The following ETAA1 variants were observed in gnomAD, a reference collection of about 807,000 sequenced individuals.
The protein encoded by ETAA1 is ewing's tumor-associated antigen 1.
Under a neutral mutation model 76.8 loss-of-function variants are expected in ETAA1, and 49 were observed. That is an observed-to-expected ratio of 0.64 (90% confidence interval 0.51 to 0.81). The LOEUF is 0.81. Among genes scored for constraint, ETAA1 ranks in the 30% least tolerant of loss-of-function variants. The pLI, the probability that ETAA1 is intolerant of heterozygous loss-of-function variation, is 0.00. For missense variants in ETAA1, 1,099 were observed against 1,074.0 expected (o/e 1.02, Z -0.32); for synonymous variants, 373 against 372.2 (o/e 1.00, Z -0.03).
intron 1 of ETAA1, among the ~76,000 whole-genome samples, 175 bp from the exon 2 acceptor site, chr2:67,398,991 TGCC>T (rs1051209213): frequency 3.9e-5 from 6 of 152,226 alleles, no homozygotes; most frequent in African/African-American, 1.4e-4. Context: ...GTTTGCGAAG[TGCC>T]GCGTGGATTT....
chr2:67,397,567 C>T lies in ETAA1; in HGVS notation c.119C>T (p.Ala40Val), dbSNP rs376765349. Residue 40 changes from alanine to valine, a missense_variant, in exon 1 of 6, where the codon GCC becomes GTC. Coordinates refer to ENST00000272342, the MANE Select transcript of ETAA1 (RefSeq NM_019002.4). ...VEPGRRRLRS[A>V]RGSWPCGARE... ...CCAGGGAGGAGGCGGCTGAGATCGG[C>T]CCGCGGTTCGTGGCCCTGCGGGGCT... 1.3e-4 allele frequency: 205 copies of T among 1,566,628 alleles called. No individual in the cohort carries two copies. Among genetic ancestry groups the T allele is most frequent in the Non-Finnish European group, 1.8e-4 (203 of 1,156,174 alleles).
chr2:67,403,809 C>T lies in ETAA1; in HGVS notation c.1127C>T (p.Thr376Ile). The T allele has an allele frequency of 6.2e-7, 1 of 1,613,254 alleles. No homozygotes were observed. Among genetic ancestry groups the T allele is most frequent in the South Asian group, 1.1e-5 (1 of 91,064 alleles). The change falls in exon 5 of 6, where the codon ACA becomes ATA. Residue 376 changes from threonine to isoleucine, a missense_variant. Coordinates refer to ENST00000272342, the MANE Select transcript of ETAA1 (RefSeq NM_019002.4). ...AATAAGTACATTGATGCATTTACTACAAGTGATTTTGAGGATGATTGGGAA... is the reference window on the plus strand; with the variant it reads ...AATAAGTACATTGATGCATTTACTATAAGTGATTTTGAGGATGATTGGGAA... ...TSNKYIDAFT[T>I]SDFEDDWENL... is the part of the protein sequence containing the mutation.
Position 67,404,179 on chromosome 2 carries a change from T to G in ETAA1, c.1497T>G (p.Val499=). ...AAGACGAAATTCAAAATTGTATAGTTACATCTAATCTGACAAAAATAAAGG... is the reference window on the plus strand; with the variant it reads ...AAGACGAAATTCAAAATTGTATAGTGACATCTAATCTGACAAAAATAAAGG... ...VIQDEIQNCI[V]TSNLTKIKED... Residue 499 remains valine, a synonymous_variant, in exon 5 of 6, where the codon GTT becomes GTG. Transcript: ENST00000272342. 5.0e-6 allele frequency: 8 copies of G among 1,605,308 alleles called. No individual in the cohort carries two copies. The highest frequency in any genetic ancestry group is 6.8e-6 in the Non-Finnish European group (8 of 1,176,888).
rs933119054 is a variant in ETAA1 at position 67,397,336 on chromosome 2, G to A, written c.-113G>A. The A allele has an allele frequency of 4.6e-5, 55 of 1,186,050 alleles. No individual in the cohort carries two copies. The highest frequency in any genetic ancestry group is 1.5e-5 in the African/African-American group (1 of 66,046). 73.5% of individuals were successfully genotyped at this position (1,186,050 alleles called of 1,614,324 possible). ...GGCCGCCTCTTGCGCGCGCCCCACC[G>A]ACCAAAATGGCGGCTGCCGTTGGTG... On this transcript the variant is annotated 5_prime_UTR_variant, in exon 1 of 6. Transcript: ENST00000272342.
At chr2:67,406,480 C>A (rs747722452) in intron 5 of ETAA1, among the ~76,000 whole-genome samples, 28 of 152,166 alleles carry the variant, frequency 1.8e-4, no homozygotes, top group Middle Eastern at 3.4e-3. Context: ...TTTAGTGACT[C>A]TTCTCTGTCT....
intron 5 of ETAA1, among the ~76,000 whole-genome samples, chr2:67,406,800 G>A (rs927551027): frequency 1.3e-5 from 2 of 151,772 alleles, no homozygotes; most frequent in South Asian, 4.2e-4. Context: ...CCACTATTTG[G>A]CAACTTGCTT....
Position 67,404,106 on chromosome 2 carries a change from C to T in ETAA1, c.1424C>T (p.Thr475Ile), listed in dbSNP as rs1676135245. Residue 475 changes from threonine (T) to isoleucine (I), a missense_variant, in exon 5 of 6, where the codon ACT becomes ATT. Physicochemically the swap from Thr to Ile is moderately conservative, Grantham distance 89. This residue lies in a region of ETAA1 where 761 missense variants were observed against 731.9 expected (regional missense o/e 1.04). Transcript: ENST00000272342. ...TCAAATAAATCAAACAAATTATCCA[C>T]TGGAAATAAAATGAAATTTGAGAAC... ...PNSNKSNKLSTGNKMKFENSS... is the reference protein window; with the variant it reads ...PNSNKSNKLSIGNKMKFENSS... 2 of 1,590,670 alleles carry T rather than the reference C, an allele frequency of 1.3e-6. No homozygotes were observed. The highest frequency in any genetic ancestry group is 2.7e-5 in the African/African-American group (2 of 73,290).
At position 67,403,750 on chromosome 2, in the gene ETAA1, T is replaced by G; in HGVS notation, c.1068T>G (p.Cys356Trp). 1.2e-6 allele frequency: 2 copies of G among 1,613,420 alleles called. No individual in the cohort carries two copies. Among genetic ancestry groups the G allele is most frequent in the Admixed American group, 3.3e-5 (2 of 59,962 alleles). Reference sequence around the variant, plus strand: ...ATACACCCATAATGACAAAATCATGTGTGACTTCCTGTACTAAGGAGCCAG... The same window carrying G: ...ATACACCCATAATGACAAAATCATGGGTGACTTCCTGTACTAAGGAGCCAG... ...QVDTPIMTKS[C>W]VTSCTKEPET... Residue 356 changes from cysteine (C) to tryptophan (W), a missense_variant, in exon 5 of 6, where the codon TGT becomes TGG. This residue lies in a region of ETAA1 where 761 missense variants were observed against 731.9 expected (regional missense o/e 1.04). Transcript: ENST00000272342.
intron 5 of ETAA1, among the ~76,000 whole-genome samples, chr2:67,409,549 A>G (rs910577665): frequency 6.6e-6 from 1 of 152,050 alleles, no homozygotes; most frequent in African/African-American, 2.4e-5. Flanking sequence ...TAAAGTTTAC[A>G]TAACATTTTA....
chr2:67,402,818 C>T, intron 3 of ETAA1, 44 bp from the exon 4 acceptor site: 8 of 1,300,454 alleles, frequency 6.2e-6, no homozygotes, highest in Non-Finnish European at 7.3e-6. Context: ...ACGGGGGATG[C>T]TACACTGGTA....
intron 5 of ETAA1, among the ~76,000 whole-genome samples, chr2:67,408,585 A>G (rs1361617803): frequency 6.6e-6 from 1 of 152,102 alleles, no homozygotes; most frequent in East Asian, 1.9e-4. Flanking sequence ...GATTAAGAAG[A>G]GCAGCTTTTG....
intron 3 of ETAA1, chr2:67,400,626 T>G (rs751478250): frequency 3.3e-5 from 5 of 152,210 alleles, no homozygotes; most frequent in Admixed American, 2.0e-4. Context: ...TTTTGTTCTC[T>G]TTTTCTTATT....
intron 3 of ETAA1, chr2:67,400,956 C>T (rs1676039107): frequency 6.6e-6 from 1 of 152,000 alleles, no homozygotes; most frequent in African/African-American, 2.4e-5. Flanking sequence ...AGCATTTATG[C>T]CATAATAGTA....
In ETAA1 at chr2:67,403,658, A is replaced by G. The variant is rs201033273; in HGVS notation, c.976A>G (p.Thr326Ala). The G allele has an allele frequency of 1.3e-5, 21 of 1,613,290 alleles. No individual in the cohort carries two copies. Among genetic ancestry groups the G allele is most frequent in the Non-Finnish European group, 1.7e-5 (20 of 1,179,468 alleles). Residue 326 changes from threonine to alanine, a missense_variant, in exon 5 of 6, where the codon ACT (threonine) becomes GCT (alanine). Thr to Ala is a moderately conservative substitution (Grantham distance 58, BLOSUM62 0). This residue lies in a region of ETAA1 where 761 missense variants were observed against 731.9 expected (regional missense o/e 1.04). Coordinates refer to ENST00000272342, the MANE Select transcript of ETAA1 (RefSeq NM_019002.4). ...TGCTTTGAAAGAGGAGAAAATCATTACTAATGAAACTCTGGTCATTGAAAA... is the reference window on the plus strand; with the variant it reads ...TGCTTTGAAAGAGGAGAAAATCATTGCTAATGAAACTCTGGTCATTGAAAA... ...TNALKEEKII[T>A]NETLVIEKLS...
At position 67,404,239 on chromosome 2, in the gene ETAA1, A is replaced by C. The variant is rs145629916; in HGVS notation, c.1557A>C (p.Glu519Asp). 5.0e-6 allele frequency: 8 copies of C among 1,612,400 alleles called. No homozygotes were observed. The African/African-American group carries it at 9.4e-5, about 19-fold the overall frequency. ...DILTNSTEAS[E>D]RKSALNTRYS... ...TTACTAACTCTACTGAAGCTTCTGA[A>C]AGGAAGTCAGCTTTGAACACAAGGT... Residue 519 changes from glutamate (E) to aspartate (D), a missense_variant, in exon 5 of 6, where the codon GAA becomes GAC. Physicochemically the swap from Glu to Asp is conservative, Grantham distance 45. Around this residue, in one of 3 missense-constraint regions of ETAA1, gnomAD observed 761 missense variants for 731.9 expected, o/e 1.04. Transcript: ENST00000272342.
chr2:67,397,594 G>C lies in ETAA1; in HGVS notation c.146G>C (p.Arg49Thr), dbSNP rs1260484773. ...SARGSWPCGA[R>T]EGPPGPVRQR... is the part of the protein sequence containing the mutation. The stretch of plus-strand genomic sequence containing the variant: ...CGCGGTTCGTGGCCCTGCGGGGCTA[G>C]AGAGGGGCCTCCCGGGCCAGTGCGG... Residue 49 changes from arginine (R) to threonine (T), a missense_variant, in exon 1 of 6, where the codon AGA becomes ACA. Around this residue, in one of 3 missense-constraint regions of ETAA1, gnomAD observed 761 missense variants for 731.9 expected, o/e 1.04. Coordinates refer to ENST00000272342, the MANE Select transcript of ETAA1 (RefSeq NM_019002.4). 3 of 1,553,632 alleles carry C rather than the reference G, an allele frequency of 1.9e-6. No homozygotes were observed. The highest frequency in any genetic ancestry group is 2.6e-6 in the Non-Finnish European group (3 of 1,149,296).
chr2:67,409,486 CTGTT>C (rs10590371), intron 5 of ETAA1, among the ~76,000 whole-genome samples: 3,048 of 151,968 alleles, frequency 0.02, 80 homozygotes, highest in African/African-American at 0.062. Context: ...TAAATATACA[CTGTT>C]TGAGATTGAT....
intron 5 of ETAA1, among the ~76,000 whole-genome samples, chr2:67,405,937 C>G (rs1676205649): frequency 6.6e-6 from 1 of 151,960 alleles, no homozygotes; most frequent in South Asian, 2.1e-4. Context: ...AACCGTATCC[C>G]CAGACTCCAT....
In ETAA1 at chr2:67,404,903, A is replaced by G. The variant is rs761422623; in HGVS notation, c.2221A>G (p.Lys741Glu). 2.5e-6 allele frequency: 4 copies of G among 1,612,960 alleles called. No homozygotes were observed. The Admixed American group carries it at 5.0e-5, about 20-fold the overall frequency. The change falls in exon 5 of 6, where the codon AAG (lysine) becomes GAG (glutamate). Residue 741 changes from lysine (K) to glutamate (E), a missense_variant. Lys to Glu is a moderately conservative substitution (Grantham distance 56). This residue lies in a region of ETAA1 where 302 missense variants were observed against 278.1 expected (regional missense o/e 1.09). Transcript: ENST00000272342. Reference protein sequence around the residue: ...LGATNLTMYSKISNCQINNLH... With the variant: ...LGATNLTMYSEISNCQINNLH... ...TGCCACAAATTTGACTATGTATTCT[A>G]AGATCTCAAACTGTCAGATAAATAA...
Sources: gnomAD v4.1 joint callset for allele counts (sites outside exome capture counted in the v4.1 genomes callset) on GRCh38, gnomAD v4.1.1 for gene constraint, gnomAD v4.1.1 regional missense constraint, MANE v1.5 for transcripts, NCBI Gene and HGNC (gene_info 2026-07-23, HGNC 2026-07-21) for gene names.